Variants in EPN1 observed in about 807,000 individuals in gnomAD.
EPN1 encodes epsin 1, also known as epsin-1.
A neutral mutation model predicts 56.9 loss-of-function variants in EPN1; 25 were observed. The observed-to-expected ratio is 0.44, with a 90% confidence interval of 0.32 to 0.61. EPN1 has a LOEUF of 0.61. Among genes scored for constraint, EPN1 ranks in the 20% least tolerant of loss-of-function variants. The pLI is 0.05. For synonymous variants in EPN1, 411 were observed against 361.8 expected (o/e 1.14, Z -1.54); for missense variants, 785 against 823.7 (o/e 0.95, Z 0.58).
chr19:55,709,158 TG>T lies in EPN1; in HGVS notation c.*13805del. The T allele has an allele frequency of 1.5e-6, 1 of 687,166 alleles. No individual in the cohort carries two copies. The highest frequency in any genetic ancestry group is 2.2e-6 in the Non-Finnish European group (1 of 447,144). 42.6% of individuals were successfully genotyped at this position (687,166 alleles called of 1,614,324 possible). A position where few individuals can be genotyped will look rare whatever the true frequency, so the allele number is the denominator to read the frequency against. On this transcript the variant is annotated 3_prime_UTR_variant, in exon 11 of 11. Transcript: ENST00000270460. ...CTCTTTATTCTTTCCTAGAAATCAC[TG>T]GGAGAATTGTACTGAATTTGAAAAA...
At chr19:55,682,758 C>T (rs1036164226) in intron 2 of EPN1, among the ~76,000 whole-genome samples, 2 of 151,134 alleles carry the variant, frequency 1.3e-5, no homozygotes, top group Non-Finnish European at 2.9e-5. Context: ...ATTATTGTTT[C>T]TTATTTATTT....
Position 55,703,228 on chromosome 19 carries a change from C to CT in EPN1, c.*7873dup, listed in dbSNP as rs1322711882. The CT allele has an allele frequency of 6.6e-6, 1 of 152,394 alleles. No homozygotes were observed. The highest frequency in any genetic ancestry group is 1.5e-5 in the Non-Finnish European group (1 of 68,224). The allele number at this position is 152,394 out of a possible 1,614,324, so 9.4% of individuals were successfully genotyped here. On this transcript the variant is annotated 3_prime_UTR_variant, in exon 11 of 11. Coordinates refer to ENST00000270460, the MANE Select transcript of EPN1 (RefSeq NM_001130072.2). Reference sequence around the variant, plus strand: ...ACGTGTGTTTCTGTCCTGGACAACACTGTCCGGAGGGGCCTAAGTGGGAAG... The same window carrying CT: ...ACGTGTGTTTCTGTCCTGGACAACACTTGTCCGGAGGGGCCTAAGTGGGAAG...
chr19:55,692,612 G>T, intron 7 of EPN1, 74 bp from the exon 8 acceptor site: 1 of 999,806 alleles, frequency 1.0e-6, no homozygotes, highest in Non-Finnish European at 1.4e-6. Context: ...CCACAGATTT[G>T]GAGGCAATGG....
chr19:55,685,249 G>C lies in EPN1; in HGVS notation c.229-147G>C, dbSNP rs894158697. The C allele has an allele frequency of 5.5e-5, 55 of 995,412 alleles. 1 individual carries two copies. In the Admixed American group the frequency reaches 6.9e-4, roughly 13 times the overall value. The allele number at this position is 995,412 out of a possible 1,614,324, so 61.7% of individuals were successfully genotyped here. A position where few individuals can be genotyped will look rare whatever the true frequency, so the allele number is the denominator to read the frequency against. ...CCTTTGCATGGCCGTGTCGTATTCTGTGGGGACAGATGTGTGTCCACCCAC... is the reference window on the plus strand; with the variant it reads ...CCTTTGCATGGCCGTGTCGTATTCTCTGGGGACAGATGTGTGTCCACCCAC... On this transcript the variant is annotated intron_variant, in intron 2 of 10. Transcript: ENST00000270460.
chr19:55,677,107 C>T (rs1985488843), intron 1 of EPN1: 2 of 1,549,740 alleles, frequency 1.3e-6, no homozygotes, highest in Non-Finnish European at 1.7e-6. Flanking sequence ...ATCCCTATCT[C>T]CCCTGGGCTT....
In EPN1 at chr19:55,695,320, C is replaced by T. The variant is rs745478291; in HGVS notation, c.1695C>T (p.Gly565=). 1 of 1,527,626 alleles carries T rather than the reference C, an allele frequency of 6.5e-7. No homozygotes were observed. 94.6% of individuals were successfully genotyped at this position (1,527,626 alleles called of 1,614,324 possible). A position where few individuals can be genotyped will look rare whatever the true frequency, so the allele number is the denominator to read the frequency against. The change falls in exon 11 of 11, where the codon GGC becomes GGT. Residue 565 remains glycine (G), a synonymous_variant. Transcript: ENST00000270460. The surrounding 1 kb of genome is among the most constrained non-coding windows in gnomAD (Gnocchi z 4.4). ...GPGLPPMMPP[G]PPAPNTNPFL... is the part of the protein sequence containing the mutation. ...GCCTGCCCCCCATGATGCCCCCGGG[C>T]CCCCCGGCCCCCAACACTAATCCCT...
rs185632085 is a variant in EPN1 at position 55,686,002 on chromosome 19, C to T, written c.478+357C>T. Among the ~76,000 whole-genome samples the T allele has an allele frequency of 2.1e-3, 317 of 152,322 alleles. 1 individual carries two copies. Among genetic ancestry groups the T allele is most frequent in the Non-Finnish European group, 2.6e-3 (180 of 68,028 alleles). ...TGACCCCCGAGGGTGCTGTCCTTCT[C>T]TCTGCGCTGAGATGAGGGGAACATC... is the stretch of plus-strand genomic sequence containing the variant. On this transcript the variant is annotated intron_variant, in intron 3 of 10. Coordinates refer to ENST00000270460, the MANE Select transcript of EPN1 (RefSeq NM_001130072.2).
At position 55,700,685 on chromosome 19, in the gene EPN1, C is replaced by T. The variant is rs1171747205; in HGVS notation, c.*5329C>T. 6.6e-6 allele frequency: 1 copy of T among 152,282 alleles called. No homozygotes were observed. The highest frequency in any genetic ancestry group is 1.5e-5 in the Non-Finnish European group (1 of 68,068). The allele number at this position is 152,282 out of a possible 1,614,324, so 9.4% of individuals were successfully genotyped here. A position where few individuals can be genotyped will look rare whatever the true frequency, so the allele number is the denominator to read the frequency against. On this transcript the variant is annotated 3_prime_UTR_variant, in exon 11 of 11. Transcript: ENST00000270460. ...ATTTACATTTGAACCACTCCTGTTT[C>T]ACCTACAGCCTCCTCATGGCCCCTC...
chr19:55,689,211 T>C lies in EPN1; in HGVS notation c.604-86T>C, dbSNP rs1986370618. On this transcript the variant is annotated intron_variant, in intron 4 of 10. Transcript: ENST00000270460. This position sits in a 1 kb window ranked among gnomAD's most constrained non-coding sequence, Gnocchi z 5.7. ...GGTTCAGGGACCCCCAGCCCTCTCT[T>C]TCTTCGGCTCTATCTGACCCTGGCT... 5 of 1,203,756 alleles carry C rather than the reference T, an allele frequency of 4.2e-6. No homozygotes were observed. In the South Asian group the frequency reaches 5.4e-5, roughly 13 times the overall value. The allele number at this position is 1,203,756 out of a possible 1,614,324, so 74.6% of individuals were successfully genotyped here. A position where few individuals can be genotyped will look rare whatever the true frequency, so the allele number is the denominator to read the frequency against.
rs1324309619 is a variant in EPN1, at chr19:55,694,319, G to C, written c.1265-407G>C. On this transcript the variant is annotated intron_variant, in intron 9 of 10. Transcript: ENST00000270460. The surrounding 1 kb of genome is among the most constrained non-coding windows in gnomAD (Gnocchi z 4.2). ...CGTGTCTGTGCTGTCTGTCCACTTG[G>C]AAGCTCCCTCTGGGGCTGTGTACTC... 5.3e-6 allele frequency: 1 copy of C among 189,434 alleles called. No homozygotes were observed. Among genetic ancestry groups the C allele is most frequent in the Non-Finnish European group, 1.1e-5 (1 of 93,478 alleles). The allele number at this position is 189,434 out of a possible 1,614,324, so 11.7% of individuals were successfully genotyped here. A position where few individuals can be genotyped will look rare whatever the true frequency, so the allele number is the denominator to read the frequency against.
Position 55,692,269 on chromosome 19 carries a change from T to C in EPN1, c.1066+212T>C, listed in dbSNP as rs190763579. Among the ~76,000 whole-genome samples, 894 of 137,728 alleles carry C rather than the reference T, an allele frequency of 6.5e-3. 9 individuals carry two copies. The highest frequency in any genetic ancestry group is 0.024 in the African/African-American group (859 of 35,820). The allele number at this position is 137,728 out of a possible 152,430, so 90.4% of individuals were successfully genotyped here. ...CTTGGAGGACATGGGGGGTGTGCTGTGGGGAGGGGATGGCAGCTCAGCCGA... is the reference window on the plus strand; with the variant it reads ...CTTGGAGGACATGGGGGGTGTGCTGCGGGGAGGGGATGGCAGCTCAGCCGA... On this transcript the variant is annotated intron_variant, in intron 7 of 10. Coordinates refer to ENST00000270460, the MANE Select transcript of EPN1 (RefSeq NM_001130072.2).
In EPN1 at chr19:55,702,162, T is replaced by C. The variant is rs1490173792; in HGVS notation, c.*6806T>C. On this transcript the variant is annotated 3_prime_UTR_variant, in exon 11 of 11. Transcript: ENST00000270460. ...TTTTAGTAGAGACAAGGTTTCACCA[T>C]GTTGGTCAGGCTGGTCTCCAACTCC... 2.6e-5 allele frequency: 4 copies of C among 152,198 alleles called. No homozygotes were observed. The highest frequency in any genetic ancestry group is 2.0e-4 in the Admixed American group (3 of 15,276). The allele number at this position is 152,198 out of a possible 1,614,324, so 9.4% of individuals were successfully genotyped here.
intron 1 of EPN1, among the ~76,000 whole-genome samples, chr19:55,676,318 C>T (rs1294269975): frequency 3.9e-5 from 6 of 152,088 alleles, no homozygotes; most frequent in Admixed American, 3.9e-4. Context: ...TTTGCCATAT[C>T]CTTTGTATTC....
intron 3 of EPN1, 106 bp downstream of exon 3, chr19:55,685,751 G>A (rs1302935798): frequency 8.5e-6 from 12 of 1,410,896 alleles, no homozygotes; most frequent in Middle Eastern, 2.5e-4. Flanking sequence ...AGGAGGGACC[G>A]CGGCATCCCC....
In EPN1 at chr19:55,704,528, GA is replaced by G. The variant is rs1236551957; in HGVS notation, c.*9174del. 6.6e-6 allele frequency: 1 copy of G among 152,204 alleles called. No individual in the cohort carries two copies. The highest frequency in any genetic ancestry group is 2.4e-5 in the African/African-American group (1 of 41,436). 9.4% of individuals were successfully genotyped at this position (152,204 alleles called of 1,614,324 possible). A position where few individuals can be genotyped will look rare whatever the true frequency, so the allele number is the denominator to read the frequency against. On this transcript the variant is annotated 3_prime_UTR_variant, in exon 11 of 11. Transcript: ENST00000270460. ...GCCAACCCTGCAGCACCTTCATCTT[GA>G]ATTTCTGGTTTCCAGAACTGTGAGA...
Position 55,705,811 on chromosome 19 carries a change from A to ATATCCCACAACAACAAATATATG in EPN1, c.*10458_*10459insCCCACAACAACAAATATATGTAT, listed in dbSNP as rs1987366931. The ATATCCCACAACAACAAATATATG allele has an allele frequency of 3.0e-5, 3 of 99,564 alleles. No homozygotes were observed. Among genetic ancestry groups the ATATCCCACAACAACAAATATATG allele is most frequent in the African/African-American group, 1.0e-4 (3 of 29,144 alleles). The allele number at this position is 99,564 out of a possible 1,614,324, so 6.2% of individuals were successfully genotyped here. A position where few individuals can be genotyped will look rare whatever the true frequency, so the allele number is the denominator to read the frequency against. ...GCTGGAATATTTGTTGTTGTGGGAT[A>ATATCCCACAACAACAAATATATG]TATATATATATATATATTTAGAGTG... is the stretch of plus-strand genomic sequence containing the variant. On this transcript the variant is annotated 3_prime_UTR_variant, in exon 11 of 11. Transcript: ENST00000270460.
chr19:55,692,662 T>G (rs939435992), intron 7 of EPN1, 24 bp from the exon 8 acceptor site: 2 of 1,466,460 alleles, frequency 1.4e-6, no homozygotes, highest in Non-Finnish European at 1.8e-6. Flanking sequence ...TGCCAGCCCC[T>G]CATGCTCTTC....
Position 55,686,509 on chromosome 19 carries a change from G to C in EPN1, c.478+864G>C, listed in dbSNP as rs1426937655. ...GGTGCAGACAGGAGGAAGGGCCTGT[G>C]GCCCTCGTGGGGTCCGGCTCGAGGG... On this transcript the variant is annotated intron_variant, in intron 3 of 10. Coordinates refer to ENST00000270460, the MANE Select transcript of EPN1 (RefSeq NM_001130072.2). Among the ~76,000 whole-genome samples the C allele has an allele frequency of 2.0e-5, 3 of 152,192 alleles. No homozygotes were observed. In the East Asian group the frequency reaches 5.8e-4, roughly 29 times the overall value.
intron 2 of EPN1, among the ~76,000 whole-genome samples, chr19:55,680,926 CATCTT>C (rs1293305611): frequency 6.6e-6 from 1 of 152,272 alleles, no homozygotes; most frequent in Non-Finnish European, 1.5e-5. Flanking sequence ...CACATGGTCT[CATCTT>C]GTCACTTCAG....
Sources: gnomAD v4.1 joint callset for allele counts (sites outside exome capture counted in the v4.1 genomes callset) on GRCh38, gnomAD v4.1.1 for gene constraint, Gnocchi (gnomAD v3.1) non-coding constraint, MANE v1.5 for transcripts, NCBI Gene and HGNC (gene_info 2026-07-23, HGNC 2026-07-21) for gene names.